BUB1B: variants seen among roughly 807,000 people sequenced by gnomAD.
BUB1B encodes the protein mitotic checkpoint serine/threonine-protein kinase BUB1 beta.
A neutral mutation model predicts 137.7 loss-of-function variants in BUB1B; 86 were observed. That is an observed-to-expected ratio of 0.62 (90% CI 0.52 to 0.75). The LOEUF (loss-of-function observed/expected upper bound fraction) is 0.75, where lower values mean the gene tolerates loss of function less well. Among genes scored for constraint, BUB1B ranks in the 30% least tolerant of loss-of-function variants. The probability of loss-of-function intolerance (pLI) is 0.00; values close to 1 mark genes in which losing one functional copy is unlikely to be tolerated. For synonymous variants in BUB1B, 420 were observed against 417.9 expected, an observed-to-expected ratio of 1.00 and a Z score of -0.06; for missense variants, 1,130 against 1,236.9, an observed-to-expected ratio of 0.91 and a Z score of 1.30.
chr15:40,169,818 G>A (rs1006339203), intron 2 of BUB1B, among the ~76,000 whole-genome samples: 1 of 151,790 alleles, frequency 6.6e-6, no homozygotes, highest in Non-Finnish European at 1.5e-5. Context: ...TCACCATGTT[G>A]CCCAGGCTGG....
intron 4 of BUB1B, among the ~76,000 whole-genome samples, chr15:40,174,919 G>A (rs1245334463): frequency 2.0e-5 from 3 of 152,140 alleles, no homozygotes; most frequent in African/African-American, 4.8e-5. Flanking sequence ...AGGCGAGATC[G>A]CGCCGCTGCA....
At chr15:40,205,171 G>A (rs991561588) in intron 14 of BUB1B, among the ~76,000 whole-genome samples, 4 of 151,930 alleles carry the variant, frequency 2.6e-5, no homozygotes, top group African/African-American at 7.3e-5. Context: ...GGTCTCGAGC[G>A]CCTGACCTCA....
intron 6 of BUB1B, 77 bp from the exon 7 acceptor site, chr15:40,185,088 A>G: frequency 8.1e-7 from 1 of 1,231,696 alleles, no homozygotes; most frequent in Non-Finnish European, 1.2e-6. Flanking sequence ...GAGTTGAGGA[A>G]GAATAGGTAT....
intron 21 of BUB1B, 41 bp downstream of exon 21, chr15:40,217,708 C>G: frequency 6.2e-7 from 1 of 1,606,462 alleles, no homozygotes; most frequent in African/African-American, 1.3e-5. Flanking sequence ...GAGAGGGTTT[C>G]TTAATCTCTT....
chr15:40,214,504 G>A (rs953470708), intron 20 of BUB1B, among the ~76,000 whole-genome samples: 1 of 152,104 alleles, frequency 6.6e-6, no homozygotes, highest in Non-Finnish European at 1.5e-5. Flanking sequence ...TCTTGGGTGA[G>A]GTGTTAACTT....
chr15:40,213,252 C>T (rs966412717), intron 19 of BUB1B, 80 bp from the exon 20 acceptor site: 9 of 1,504,718 alleles, frequency 6.0e-6, no homozygotes, highest in African/African-American at 1.4e-5. Context: ...GACTACAAAC[C>T]ATCAGTTTTC....
At chr15:40,177,465 A>G (rs753456693) in intron 5 of BUB1B, among the ~76,000 whole-genome samples, 6 of 152,098 alleles carry the variant, frequency 3.9e-5, no homozygotes, top group Admixed American at 2.6e-4. Flanking sequence ...TCCAATGCCA[A>G]TTGTTGAAAA....
Position 40,218,942 on chromosome 15 carries a change from C to T in BUB1B, c.2957+380C>T, listed in dbSNP as rs562132096. On this transcript the variant is annotated intron_variant, in intron 22 of 22. Transcript: ENST00000287598. The stretch of plus-strand genomic sequence containing the variant: ...TTATTTATTTTTTGAGACGGAGTCT[C>T]GCTCTGTTGCCCAGGCTGGAGTGCA... Among the ~76,000 whole-genome samples, 12 of 152,316 alleles carry T rather than the reference C, an allele frequency of 7.9e-5. No individual in the cohort carries two copies. In the East Asian group the frequency reaches 1.2e-3, roughly 15 times the overall value.
chr15:40,165,825 A>G (rs2140878873), intron 2 of BUB1B, among the ~76,000 whole-genome samples: 1 of 152,192 alleles, frequency 6.6e-6, no homozygotes, highest in South Asian at 2.1e-4. Flanking sequence ...TTATAATGCA[A>G]TGACTATTCT....
chr15:40,210,435 C>A (rs1482729386), intron 18 of BUB1B, among the ~76,000 whole-genome samples: 4 of 152,068 alleles, frequency 2.6e-5, no homozygotes, highest in African/African-American at 9.7e-5. Flanking sequence ...TCACCACACA[C>A]AATCACCTTG....
intron 4 of BUB1B, chr15:40,174,108 C>G (rs750914072): frequency 1.4e-4 from 45 of 313,458 alleles, no homozygotes; most frequent in Middle Eastern, 1.1e-3. Flanking sequence ...ATTCAGCACT[C>G]TGAATAACCT....
chr15:40,219,114 G>T (rs1389933324), intron 22 of BUB1B, among the ~76,000 whole-genome samples: 2 of 152,050 alleles, frequency 1.3e-5, no homozygotes, highest in African/African-American at 2.4e-5. Context: ...GTTTCACTAC[G>T]TTGGCCAGGC....
intron 8 of BUB1B, among the ~76,000 whole-genome samples, chr15:40,190,163 T>G (rs911149257): frequency 3.3e-5 from 5 of 152,260 alleles, no homozygotes; most frequent in African/African-American, 1.2e-4. Context: ...ATACATGCAC[T>G]GTGGCCATAA....
intron 2 of BUB1B, 74 bp from the exon 3 acceptor site, chr15:40,169,988 A>T: frequency 8.3e-7 from 1 of 1,209,332 alleles, no homozygotes; most frequent in Non-Finnish European, 1.2e-6. Flanking sequence ...TTACATGAAT[A>T]AAAATGGAAG....
intron 8 of BUB1B, among the ~76,000 whole-genome samples, chr15:40,188,772 A>G (rs1374684680): frequency 6.6e-6 from 1 of 151,830 alleles, no homozygotes; most frequent in Non-Finnish European, 1.5e-5. Context: ...TAGTAGAGCC[A>G]TGGTTTCACC....
intron 14 of BUB1B, among the ~76,000 whole-genome samples, chr15:40,202,986 G>A (rs1595529868): frequency 6.6e-6 from 1 of 152,176 alleles, no homozygotes; most frequent in African/African-American, 2.4e-5. Context: ...AGCCACTTTG[G>A]AAAACAGTTT....
chr15:40,209,643 A>C lies in BUB1B; in HGVS notation c.2152A>C (p.Thr718Pro), dbSNP rs1472033228. 1 of 1,613,918 alleles carries C rather than the reference A, an allele frequency of 6.2e-7. No homozygotes were observed. Among genetic ancestry groups the C allele is most frequent in the African/African-American group, 1.3e-5 (1 of 74,870 alleles). The change falls in exon 17 of 23, where the codon ACT becomes CCT. Residue 718 changes from threonine (T) to proline (P), a missense_variant. Thr to Pro is a conservative substitution (Grantham distance 38). Coordinates refer to ENST00000287598, the MANE Select transcript of BUB1B (RefSeq NM_001211.6). ...ELTNETSENP[T>P]QSPWCSQYRR... Reference sequence around the variant, plus strand: ...TTCCCTCCCACTGGCAGAAAACCCTACTCAGTCACCATGGTGTTCACAGTA... The same window carrying C: ...TTCCCTCCCACTGGCAGAAAACCCTCCTCAGTCACCATGGTGTTCACAGTA...
In BUB1B at chr15:40,214,285, G is replaced by A. The variant is rs187163115; in HGVS notation, c.2678+811G>A. Among the ~76,000 whole-genome samples the A allele has an allele frequency of 1.6e-4, 25 of 152,250 alleles. No homozygotes were observed. In the South Asian group the frequency reaches 3.7e-3, roughly 23 times the overall value. On this transcript the variant is annotated intron_variant, in intron 20 of 22. Transcript: ENST00000287598. ...CCCAGTGTGTCCATCAGGTTCAAGG[G>A]GTGAGCACAGAGCAGGAAATAATAA...
chr15:40,183,864 T>C lies in BUB1B; in HGVS notation c.732T>C (p.Arg244=). ...GKKTARAPII[R]VGGALKAPSQ... ...AGACAGCAAGAGCTCCAATCATCCG[T>C]GTAGGAGGTGCTCTCAAGGGTAAGT... The change falls in exon 6 of 23, where the codon CGT becomes CGC. Residue 244 remains arginine, a synonymous_variant. Coordinates refer to ENST00000287598, the MANE Select transcript of BUB1B (RefSeq NM_001211.6). 1 of 1,614,066 alleles carries C rather than the reference T, an allele frequency of 6.2e-7. No homozygotes were observed. Among genetic ancestry groups the C allele is most frequent in the Non-Finnish European group, 8.5e-7 (1 of 1,179,938 alleles).
Sources: gnomAD v4.1 joint callset for allele counts (sites outside exome capture counted in the v4.1 genomes callset) on GRCh38, gnomAD v4.1.1 for gene constraint, MANE v1.5 for transcripts, NCBI Gene and HGNC (gene_info 2026-07-23, HGNC 2026-07-21) for gene names.